SAXO5: variants seen among roughly 807,000 people sequenced by gnomAD.
SAXO5 encodes the protein testis expressed 45.
At chr19:7,506,187 CG>C in the SAXO5 span, 1 of 1,564,560 alleles carries the variant, frequency 6.4e-7, no homozygotes, top group Non-Finnish European at 8.7e-7. Flanking sequence ...CGGGAAGCCC[CG>C]CCCCATGGAG....
At chr19:7,500,302 G>A in the SAXO5 span, among the ~76,000 whole-genome samples, 4 of 151,096 alleles carry the variant, frequency 2.6e-5, no homozygotes, top group Non-Finnish European at 4.4e-5. Context: ...CCACATGAAA[G>A]ATTTTTTTTT....
At chr19:7,500,843 G>T in the SAXO5 span, 1 of 1,524,246 alleles carries the variant, frequency 6.6e-7, no homozygotes. Context: ...GCGCCCTCCT[G>T]CCGTGCTCGC....
chr19:7,506,430 G>A, the SAXO5 span: 1 of 505,732 alleles, frequency 2.0e-6, no homozygotes, highest in Middle Eastern at 5.5e-4. Flanking sequence ...GGATAATCCC[G>A]CCCCTTCATG....
chr19:7,503,370 A>C, the SAXO5 span, among the ~76,000 whole-genome samples: 1 of 152,102 alleles, frequency 6.6e-6, no homozygotes, highest in African/African-American at 2.4e-5. Flanking sequence ...CCATCTCCAA[A>C]ATAAAAGAGA....
At chr19:7,506,157 G>A in the SAXO5 span, 1 of 1,605,378 alleles carries the variant, frequency 6.2e-7, no homozygotes, top group African/African-American at 1.3e-5. Flanking sequence ...CTGCCGCGGG[G>A]CACGGGCGGT....
At chr19:7,505,905 C>A in the SAXO5 span, 16 of 1,488,434 alleles carry the variant, frequency 1.1e-5, no homozygotes, top group Non-Finnish European at 1.4e-5. Context: ...TCCTCCCTCC[C>A]CCCCGGGCCC....
chr19:7,505,861 T>C, the SAXO5 span: 1 of 1,193,700 alleles, frequency 8.4e-7, no homozygotes, highest in Non-Finnish European at 1.2e-6. Flanking sequence ...CCAGAAGGGG[T>C]GAGGGAGCTG....
chr19:7,500,565 C>T, the SAXO5 span, among the ~76,000 whole-genome samples: 8 of 152,144 alleles, frequency 5.3e-5, no homozygotes, highest in African/African-American at 1.9e-4. Context: ...CGGCCTCGGC[C>T]TCCCAAAGTG....
chr19:7,501,314 G>A, the SAXO5 span: 20 of 1,571,788 alleles, frequency 1.3e-5, no homozygotes, highest in Non-Finnish European at 1.7e-5. Flanking sequence ...ACCGCGACAA[G>A]TTGCGCATCC....
At chr19:7,508,300 C>G in the SAXO5 span, 1 of 1,614,078 alleles carries the variant, frequency 6.2e-7, no homozygotes, top group Non-Finnish European at 8.5e-7. Context: ...CAGGGCCCAG[C>G]AGCCCTGAGA....
At chr19:7,506,736 C>T in the SAXO5 span, 2 of 388,938 alleles carry the variant, frequency 5.1e-6, no homozygotes, top group Non-Finnish European at 9.5e-6. Flanking sequence ...GTCCCAGCTC[C>T]TCCCTCTTTC....
chr19:7,505,224 C>A, the SAXO5 span: 1 of 1,117,530 alleles, frequency 8.9e-7, no homozygotes, highest in South Asian at 1.3e-5. Context: ...CTCAGGTGAT[C>A]CACCCACCTC....
chr19:7,505,886 G>A, the SAXO5 span: 2 of 1,394,442 alleles, frequency 1.4e-6, no homozygotes, highest in Non-Finnish European at 2.0e-6. Context: ...AGGTCACACA[G>A]AGCCCACCTC....
the SAXO5 span, chr19:7,506,922 T>G: frequency 1.5e-6 from 1 of 646,838 alleles, no homozygotes; most frequent in Non-Finnish European, 2.8e-6. Context: ...CCTCTCCTAA[T>G]CCATTTTTCT....
At chr19:7,502,438 G>A in the SAXO5 span, among the ~76,000 whole-genome samples, 1 of 152,266 alleles carries the variant, frequency 6.6e-6, no homozygotes, top group South Asian at 2.1e-4. Flanking sequence ...AAAAAGATGG[G>A]CAGAGGTGCT....
At chr19:7,502,459 A>G in the SAXO5 span, among the ~76,000 whole-genome samples, 3 of 152,326 alleles carry the variant, frequency 2.0e-5, no homozygotes, top group African/African-American at 4.8e-5. Context: ...ACCAGCAGAC[A>G]GCGGGTAGAG....
At chr19:7,501,145 T>A in the SAXO5 span, 1 of 1,509,578 alleles carries the variant, frequency 6.6e-7, no homozygotes, top group Non-Finnish European at 8.8e-7. Context: ...ACGCTCGCCA[T>A]GCAGGCCGGC....
At chr19:7,499,932 TTGTG>T in the SAXO5 span, 59 of 108,998 alleles carry the variant, frequency 5.4e-4, no homozygotes, top group South Asian at 7.4e-3. Context: ...CTTGTCTAAT[TTGTG>T]TGTGTGTGTG....
At chr19:7,501,405 C>A in the SAXO5 span, 3 of 1,478,932 alleles carry the variant, frequency 2.0e-6, no homozygotes, top group Admixed American at 4.9e-5. Context: ...CCTCGGTGAG[C>A]GCGCGCCCGG....
Sources: allele counts gnomAD v4.1 joint callset (sites outside exome capture counted in the v4.1 genomes callset), GRCh38; gene constraint gnomAD v4.1.1; transcripts MANE v1.5; gene names NCBI Gene and HGNC (gene_info 2026-07-23, HGNC 2026-07-21).